Variants in RBM12 observed in about 807,000 individuals in gnomAD.
RBM12 encodes the protein RNA binding motif protein 12.
RBM12 carries 24 observed loss-of-function variants against 37.2 expected under a neutral mutation model. That is an observed-to-expected ratio of 0.65 (90% CI 0.47 to 0.91). The LOEUF is 0.91. RBM12 is among the 40% of genes least tolerant of loss of function. RBM12 has a pLI of 0.00. For missense variants in RBM12, 1,061 were observed against 1,183.2 expected, an observed-to-expected ratio of 0.90 and a Z score of 1.52; for synonymous variants, 420 against 425.2, an observed-to-expected ratio of 0.99 and a Z score of 0.15.
Position 35,649,572 on chromosome 20 carries a change from T to C in RBM12, c.*2952A>G, listed in dbSNP as rs929088592. 3 of 152,652 alleles carry C rather than the reference T, an allele frequency of 2.0e-5. No individual in the cohort carries two copies. The highest frequency in any genetic ancestry group is 7.2e-5 in the African/African-American group (3 of 41,456). The allele number at this position is 152,652 out of a possible 1,614,324, so 9.5% of individuals were successfully genotyped here. A position where few individuals can be genotyped will look rare whatever the true frequency, so the allele number is the denominator to read the frequency against. On this transcript the variant is annotated 3_prime_UTR_variant, in exon 3 of 3. Coordinates refer to ENST00000374114, the MANE Select transcript of RBM12 (RefSeq NM_006047.6). ...CTACATTTCACTTAACACTGTTTCA[T>C]TTTTTAAAAAGCCACTAATAATAAT... is the stretch of plus-strand genomic sequence containing the variant.
At position 35,650,999 on chromosome 20, in the gene RBM12, T is replaced by G. The variant is rs1025132885; in HGVS notation, c.*1525A>C. 2.0e-5 allele frequency: 3 copies of G among 152,548 alleles called. No homozygotes were observed. Among genetic ancestry groups the G allele is most frequent in the Non-Finnish European group, 4.4e-5 (3 of 68,026 alleles). The allele number at this position is 152,548 out of a possible 1,614,324, so 9.4% of individuals were successfully genotyped here. On this transcript the variant is annotated 3_prime_UTR_variant, in exon 3 of 3. Transcript: ENST00000374114. ...CTCTCATCTATCTCTCCTTCTGTAT[T>G]GTTTATAATGTGACACATTTTCAGA...
chr20:35,659,138 C>CAAAAAAAAAAAAAAAAAAAAAAAAAAAAA (rs370328377), intron 1 of RBM12, 124 bp from the exon 2 acceptor site: 2 of 253,602 alleles, frequency 7.9e-6, no homozygotes, highest in South Asian at 1.8e-4. Context: ...GAATGCATAT[C>CAAAAAAAAAAAAAAAAAAAAAAAAAAAAA]AAAAAAAAAA....
Position 35,652,836 on chromosome 20 carries a change from G to C in RBM12, c.2487C>G (p.Pro829=), listed in dbSNP as rs748585394. The C allele has an allele frequency of 6.2e-6, 10 of 1,605,906 alleles. No individual in the cohort carries two copies. The African/African-American group carries it at 1.3e-4, about 22-fold the overall frequency. Residue 829 remains proline, a synonymous_variant, in exon 3 of 3, where the codon CCC becomes CCG. Transcript: ENST00000374114. ...TTGGGCCAGGGCCGGGGCCGGGGCC[G>C]GGGCCAGGCCCAAAAGCTGGTGGCC... ...LGGPPAFGPG[P]GPGPGPGPIH...
chr20:35,656,183 T>A (rs1468860363), intron 2 of RBM12, among the ~76,000 whole-genome samples: 1 of 152,272 alleles, frequency 6.6e-6, no homozygotes, highest in Non-Finnish European at 1.5e-5. Context: ...TTAATAAAAT[T>A]TTTTAAAGTA....
Position 35,654,309 on chromosome 20 carries a change from A to G in RBM12, c.1014T>C (p.His338=), listed in dbSNP as rs368690684. The stretch of plus-strand genomic sequence containing the variant: ...ATCCATTCCCATTATTTCGACCTAC[A>G]TGATCTTTCAACAAATGCACTGCAT... ...RVDAVHLLKD[H]VGRNNGNGLV... Residue 338 remains histidine, a synonymous_variant, in exon 3 of 3, where the codon CAT becomes CAC. Coordinates refer to ENST00000374114, the MANE Select transcript of RBM12 (RefSeq NM_006047.6). The G allele has an allele frequency of 6.2e-6, 10 of 1,614,118 alleles. No homozygotes were observed. The highest frequency in any genetic ancestry group is 1.6e-4 in the Middle Eastern group (1 of 6,084).
rs148642724 is a variant in RBM12 at position 35,653,035 on chromosome 20, G to A, written c.2288C>T (p.Pro763Leu). Residue 763 changes from proline (P) to leucine (L), a missense_variant, in exon 3 of 3, where the codon CCT becomes CTT. This residue lies in a region of RBM12 where 517 missense variants were observed against 534.0 expected (regional missense o/e 0.97). Transcript: ENST00000374114. ...GMPSVGNSGLPGLGLDVPGFG... is the reference protein window; with the variant it reads ...GMPSVGNSGLLGLGLDVPGFG... The stretch of plus-strand genomic sequence containing the variant: ...ACCCGGAACATCCAGTCCTAGACCA[G>A]GCAAACCACTGTTTCCAACTGAAGG... 237 of 1,613,740 alleles carry A rather than the reference G, an allele frequency of 1.5e-4. No individual in the cohort carries two copies. Among genetic ancestry groups the A allele is most frequent in the Non-Finnish European group, 2.1e-5 (25 of 1,180,054 alleles).
intron 1 of RBM12, among the ~76,000 whole-genome samples, chr20:35,660,754 C>G (rs1174932349): frequency 6.6e-6 from 1 of 152,130 alleles, no homozygotes; most frequent in Non-Finnish European, 1.5e-5. Context: ...ACTGGAGATT[C>G]CAATTCAAAA....
chr20:35,654,563 G>A lies in RBM12; in HGVS notation c.760C>T (p.Pro254Ser), dbSNP rs1156865880. 44 of 1,614,200 alleles carry A rather than the reference G, an allele frequency of 2.7e-5. No homozygotes were observed. The highest frequency in any genetic ancestry group is 3.5e-5 in the Non-Finnish European group (41 of 1,180,042). The change falls in exon 3 of 3, where the codon CCT (proline) becomes TCT (serine). Residue 254 changes from proline (P) to serine (S), a missense_variant. By Grantham distance (74) the Pro-to-Ser change is moderately conservative. Around this residue, in one of 3 missense-constraint regions of RBM12, gnomAD observed 540 missense variants for 632.7 expected, o/e 0.85. Coordinates refer to ENST00000374114, the MANE Select transcript of RBM12 (RefSeq NM_006047.6). ...MPPLNPPPVA[P>S]LPAGMNGSGA... Reference sequence around the variant, plus strand: ...GAGCCATTCATTCCAGCAGGTAGAGGTGCCACAGGTGGCGGATTCAAGGGC... The same window carrying A: ...GAGCCATTCATTCCAGCAGGTAGAGATGCCACAGGTGGCGGATTCAAGGGC...
intron 2 of RBM12, among the ~76,000 whole-genome samples, chr20:35,656,574 G>C (rs1019801195): frequency 2.0e-5 from 3 of 152,158 alleles, no homozygotes; most frequent in African/African-American, 7.2e-5. Context: ...CACTCTTGTA[G>C]CCCAGGCTGC....
chr20:35,652,579 A>G lies in RBM12; in HGVS notation c.2744T>C (p.Ile915Thr). 1.9e-6 allele frequency: 3 copies of G among 1,614,210 alleles called. No homozygotes were observed. Among genetic ancestry groups the G allele is most frequent in the Non-Finnish European group, 2.5e-6 (3 of 1,180,016 alleles). Residue 915 changes from isoleucine to threonine, a missense_variant, in exon 3 of 3, where the codon ATT (isoleucine) becomes ACT (threonine). Coordinates refer to ENST00000374114, the MANE Select transcript of RBM12 (RefSeq NM_006047.6). Reference protein sequence around the residue: ...ESRDEATAAVIDLNDRPIGSR... With the variant: ...ESRDEATAAVTDLNDRPIGSR... ...ACCTATAGGCCTGTCATTTAAGTCA[A>G]TGACAGCAGCTGTGGCTTCATCCCG...
At chr20:35,662,626 A>C (rs752040843) in intron 1 of RBM12, among the ~76,000 whole-genome samples, 4 of 152,218 alleles carry the variant, frequency 2.6e-5, no homozygotes, top group Non-Finnish European at 5.9e-5. Flanking sequence ...CAACATCTAC[A>C]GAAGAAAACA....
intron 2 of RBM12, 35 bp downstream of exon 2, chr20:35,658,895 G>A: frequency 2.8e-6 from 2 of 704,668 alleles, no homozygotes; most frequent in Non-Finnish European, 5.3e-6. Context: ...ATTTTATTTT[G>A]TATAAAAACG....
In RBM12 at chr20:35,654,925, A is replaced by G. The variant is rs1173404612; in HGVS notation, c.398T>C (p.Val133Ala). Residue 133 changes from valine to alanine, a missense_variant, in exon 3 of 3, where the codon GTA (valine) becomes GCA (alanine). Around this residue, in one of 3 missense-constraint regions of RBM12, gnomAD observed 540 missense variants for 632.7 expected, o/e 0.85. Transcript: ENST00000374114. Reference protein sequence around the residue: ...VSNFNNPSPSVVTATTSVHES... With the variant: ...VSNFNNPSPSAVTATTSVHES... ...ATGAACAGAAGTGGTGGCAGTAACT[A>G]CACTGGGTGATGGATTATTAAAGTT... is the stretch of plus-strand genomic sequence containing the variant. The G allele has an allele frequency of 6.2e-7, 1 of 1,614,118 alleles. No homozygotes were observed. The highest frequency in any genetic ancestry group is 1.3e-5 in the African/African-American group (1 of 75,028).
At chr20:35,659,075 G>A (rs553950336) in intron 1 of RBM12, 61 bp from the exon 2 acceptor site, 1 of 706,306 alleles carries the variant, frequency 1.4e-6, no homozygotes, top group East Asian at 2.7e-5. Flanking sequence ...AACACGCACA[G>A]GCCACACTGT....
At position 35,653,595 on chromosome 20, in the gene RBM12, A is replaced by T; in HGVS notation, c.1728T>A (p.Val576=). Residue 576 remains valine (V), a synonymous_variant, in exon 3 of 3, where the codon GTT becomes GTA. Coordinates refer to ENST00000374114, the MANE Select transcript of RBM12 (RefSeq NM_006047.6). ...GACCTTGCCCATTGTTATCAACAAG[A>T]ACATGTACAGCATTTTCATCCACTG... is the stretch of plus-strand genomic sequence containing the variant. ...GIPVDENAVH[V]LVDNNGQGLG... The T allele has an allele frequency of 1.9e-6, 3 of 1,614,238 alleles. No individual in the cohort carries two copies. The highest frequency in any genetic ancestry group is 2.5e-6 in the Non-Finnish European group (3 of 1,180,042).
chr20:35,652,693 TAAAAG>T lies in RBM12; in HGVS notation c.2625_2629del (p.Phe875LeufsTer16). The T allele has an allele frequency of 6.2e-7, 1 of 1,614,042 alleles. No individual in the cohort carries two copies. Among genetic ancestry groups the T allele is most frequent in the Non-Finnish European group, 8.5e-7 (1 of 1,179,940 alleles). On this transcript the variant is annotated frameshift_variant, in exon 3 of 3. Coordinates refer to ENST00000374114, the MANE Select transcript of RBM12 (RefSeq NM_006047.6). LOFTEE classifies it high-confidence loss of function. ...TGAGCCTGGGATTACTTGATAGCCA[TAAAAG>T]AAATCTAAAATCTCATCAATAGACA... is the stretch of plus-strand genomic sequence containing the variant.
In RBM12 at chr20:35,651,251, C is replaced by T. The variant is rs2033493281; in HGVS notation, c.*1273G>A. 2 of 152,212 alleles carry T rather than the reference C, an allele frequency of 1.3e-5. No individual in the cohort carries two copies. Among genetic ancestry groups the T allele is most frequent in the African/African-American group, 4.8e-5 (2 of 41,454 alleles). The allele number at this position is 152,212 out of a possible 1,614,324, so 9.4% of individuals were successfully genotyped here. A position where few individuals can be genotyped will look rare whatever the true frequency, so the allele number is the denominator to read the frequency against. On this transcript the variant is annotated 3_prime_UTR_variant, in exon 3 of 3. Coordinates refer to ENST00000374114, the MANE Select transcript of RBM12 (RefSeq NM_006047.6). ...CCTTGTAAGGCAAGTGTTTTCATGA[C>T]AAGGACACTTACCAACCAGAACTCA... is the stretch of plus-strand genomic sequence containing the variant.
chr20:35,664,400 G>A (rs1426294467), intron 1 of RBM12: 6 of 152,264 alleles, frequency 3.9e-5, no homozygotes, highest in Non-Finnish European at 7.3e-5. Context: ...GCTTCACTGG[G>A]GGAGACAAGA....
In RBM12 at chr20:35,652,603, C is replaced by T. The variant is rs2033596853; in HGVS notation, c.2720G>A (p.Arg907Gln). 3.1e-6 allele frequency: 5 copies of T among 1,614,146 alleles called. No individual in the cohort carries two copies. Among genetic ancestry groups the T allele is most frequent in the Non-Finnish European group, 4.2e-6 (5 of 1,180,014 alleles). ...TGEAMVAFES[R>Q]DEATAAVIDL... ...AATGACAGCAGCTGTGGCTTCATCC[C>T]GAGACTCAAAGGCCACCATGGCTTC... Residue 907 changes from arginine to glutamine, a missense_variant, in exon 3 of 3, where the codon CGG (arginine) becomes CAG (glutamine). This residue lies in a region of RBM12 where 517 missense variants were observed against 534.0 expected (regional missense o/e 0.97). Coordinates refer to ENST00000374114, the MANE Select transcript of RBM12 (RefSeq NM_006047.6).
Sources: allele counts gnomAD v4.1 joint callset (sites outside exome capture counted in the v4.1 genomes callset), GRCh38; gene constraint gnomAD v4.1.1; regional missense constraint gnomAD v4.1.1; transcripts MANE v1.5; gene names NCBI Gene and HGNC (gene_info 2026-07-23, HGNC 2026-07-21).